SERPINB10: variants seen among roughly 807,000 people sequenced by gnomAD.
SERPINB10 encodes serpin family B member 10.
In SERPINB10, 35 loss-of-function variants were observed where a neutral mutation model predicts 39.1. The ratio of observed to expected loss-of-function variants is 0.90; its 90% CI spans 0.68 to 1.19. SERPINB10 has a LOEUF of 1.19. Ranked by LOEUF, SERPINB10 falls within the 50% of genes most tolerant of loss-of-function variation. The probability of loss-of-function intolerance (pLI) is 0.00; values close to 1 mark genes in which losing one functional copy is unlikely to be tolerated. For synonymous variants in SERPINB10, 190 were observed against 158.1 expected (o/e 1.20, Z -1.52); for missense variants, 546 against 460.5 (o/e 1.19, Z -1.70).
At chr18:63,931,913 T>A (rs80199626) in intron 6 of SERPINB10, among the ~76,000 whole-genome samples, 2,186 of 152,292 alleles carry the variant, frequency 0.014, 55 homozygotes, top group African/African-American at 0.05. Flanking sequence ...GCTTCACCTG[T>A]TCATCCATTC....
intron 1 of SERPINB10, among the ~76,000 whole-genome samples, chr18:63,913,165 T>A (rs2050077062): frequency 6.6e-6 from 1 of 151,990 alleles, no homozygotes; most frequent in South Asian, 2.1e-4. Flanking sequence ...ATATCTCCTC[T>A]TTTTTTCTTT....
chr18:63,933,952 A>C (rs1447385734), intron 7 of SERPINB10, among the ~76,000 whole-genome samples: 1 of 152,190 alleles, frequency 6.6e-6, no homozygotes, highest in African/African-American at 2.4e-5. Context: ...TTTCCAAATT[A>C]TGTCATAAAA....
intron 5 of SERPINB10, among the ~76,000 whole-genome samples, chr18:63,920,992 C>T (rs2050142877): frequency 6.6e-6 from 1 of 151,960 alleles, no homozygotes; most frequent in Non-Finnish European, 1.5e-5. Context: ...TATGATTACA[C>T]AGTTTAAAGC....
intron 6 of SERPINB10, 121 bp downstream of exon 6, chr18:63,930,308 T>C (rs1357186169): frequency 9.1e-7 from 1 of 1,099,502 alleles, no homozygotes; most frequent in East Asian, 2.4e-5. Context: ...ACCAGGGAAG[T>C]GATGGCTGGG....
At chr18:63,910,423 C>A (rs1299675728) in intron 1 of SERPINB10, among the ~76,000 whole-genome samples, 1 of 151,726 alleles carries the variant, frequency 6.6e-6, no homozygotes, top group Non-Finnish European at 1.5e-5. Context: ...AGCATAGTAC[C>A]CAATAGTTAG....
intron 6 of SERPINB10, 55 bp downstream of exon 6, chr18:63,930,242 T>C: frequency 6.4e-7 from 1 of 1,560,732 alleles, no homozygotes; most frequent in Middle Eastern, 1.7e-4. Context: ...TACAAGTGAT[T>C]CTCTTATAAA....
At position 63,919,857 on chromosome 18, in the gene SERPINB10, G is replaced by C. The variant is rs1473488387; in HGVS notation, c.442G>C (p.Asp148His). Residue 148 changes from aspartate to histidine, a missense_variant, in exon 5 of 8, where the codon GAT becomes CAT. Coordinates refer to ENST00000238508, the MANE Select transcript of SERPINB10 (RefSeq NM_005024.3). ...GCCTGTTAACTTTGTGGAAGCTTCT[G>C]ATCAAATCAGAAAGGACATCAACTC... is the stretch of plus-strand genomic sequence containing the variant. ...PQPVNFVEAS[D>H]QIRKDINSWV... The C allele has an allele frequency of 3.1e-6, 5 of 1,610,700 alleles. No homozygotes were observed. In the South Asian group the frequency reaches 5.5e-5, roughly 18 times the overall value.
At chr18:63,931,432 G>C (rs2050221032) in intron 6 of SERPINB10, among the ~76,000 whole-genome samples, 1 of 152,168 alleles carries the variant, frequency 6.6e-6, no homozygotes, top group South Asian at 2.1e-4. Flanking sequence ...GTATGCTAGA[G>C]TACTCGCAGT....
rs1041738567 is a variant in SERPINB10, at chr18:63,933,105, A to T, written c.691A>T (p.Ile231Leu). The T allele has an allele frequency of 1.2e-6, 2 of 1,614,062 alleles. No individual in the cohort carries two copies. Among genetic ancestry groups the T allele is most frequent in the Non-Finnish European group, 1.7e-6 (2 of 1,179,942 alleles). The change falls in exon 7 of 8, where the codon ATA becomes TTA. Residue 231 changes from isoleucine to leucine, a missense_variant. Transcript: ENST00000238508. ...GAAGAAAAAGCTTCACATTTTTCAC[A>T]TAGAAAAGCCAAAAGCAGTGGGCCT... ...FMKKKLHIFHIEKPKAVGLQL... is the reference protein window; with the variant it reads ...FMKKKLHIFHLEKPKAVGLQL...
At chr18:63,920,929 T>C (rs896436729) in intron 5 of SERPINB10, among the ~76,000 whole-genome samples, 11 of 152,060 alleles carry the variant, frequency 7.2e-5, no homozygotes, top group African/African-American at 2.7e-4. Flanking sequence ...AACAGTCTTT[T>C]ATTGTTATCC....
chr18:63,928,715 T>C (rs1414585481), intron 5 of SERPINB10, among the ~76,000 whole-genome samples: 1 of 152,030 alleles, frequency 6.6e-6, no homozygotes, highest in African/African-American at 2.4e-5. Context: ...TCCTCTTTTA[T>C]TTCCTTGAGC....
Position 63,930,159 on chromosome 18 carries a change from C to T in SERPINB10, c.605C>T (p.Thr202Ile). 6.2e-7 allele frequency: 1 copy of T among 1,613,272 alleles called. No homozygotes were observed. The highest frequency in any genetic ancestry group is 8.5e-7 in the Non-Finnish European group (1 of 1,179,524). The change falls in exon 6 of 8, where the codon ACC (threonine) becomes ATC (isoleucine). Residue 202 changes from threonine (T) to isoleucine (I), a missense_variant. Thr to Ile is a moderately conservative substitution (Grantham distance 89). Transcript: ENST00000238508. Reference sequence around the variant, plus strand: ...GAACATCAATTCTTAGTGCAAAACACCACAGAAAAGCCTTTTAGAATAAAC... The same window carrying T: ...GAACATCAATTCTTAGTGCAAAACATCACAGAAAAGCCTTTTAGAATAAAC... ...IWEHQFLVQN[T>I]TEKPFRINET...
At chr18:63,916,535 C>T (rs753681485) in intron 2 of SERPINB10, among the ~76,000 whole-genome samples, 17 of 151,994 alleles carry the variant, frequency 1.1e-4, no homozygotes, top group Non-Finnish European at 2.4e-4. Context: ...AACATCCTTA[C>T]TCTTGTAGTT....
chr18:63,925,325 C>T (rs2050173641), intron 5 of SERPINB10, among the ~76,000 whole-genome samples: 1 of 151,874 alleles, frequency 6.6e-6, no homozygotes, highest in Admixed American at 6.6e-5. Flanking sequence ...AATGACATCC[C>T]AATAGTAATC....
rs754122451 is a variant in SERPINB10 at position 63,933,134 on chromosome 18, A to T, written c.720A>T (p.Gln240His). The change falls in exon 7 of 8, where the codon CAA becomes CAT. Residue 240 changes from glutamine (Q) to histidine (H), a missense_variant. Coordinates refer to ENST00000238508, the MANE Select transcript of SERPINB10 (RefSeq NM_005024.3). The stretch of plus-strand genomic sequence containing the variant: ...AAAAGCCAAAAGCAGTGGGCCTTCA[A>T]CTCTACTACAAAAGCCGTGACCTCA... ...HIEKPKAVGL[Q>H]LYYKSRDLSL... The T allele has an allele frequency of 6.2e-7, 1 of 1,613,878 alleles. No individual in the cohort carries two copies. Among genetic ancestry groups the T allele is most frequent in the African/African-American group, 1.3e-5 (1 of 74,890 alleles).
intron 3 of SERPINB10, 113 bp from the exon 4 acceptor site, chr18:63,917,852 C>T: frequency 1.1e-6 from 1 of 935,720 alleles, no homozygotes; most frequent in Non-Finnish European, 1.6e-6. Flanking sequence ...ACTTTAGGAA[C>T]ATTTTCAACT....
chr18:63,932,987 T>C (rs1485382006), intron 6 of SERPINB10, 61 bp from the exon 7 acceptor site: 1 of 1,477,720 alleles, frequency 6.8e-7, no homozygotes, highest in Non-Finnish European at 9.3e-7. Flanking sequence ...AATTAAGGAG[T>C]TGGTGGAATA....
intron 1 of SERPINB10, among the ~76,000 whole-genome samples, chr18:63,913,370 T>C (rs1003506605): frequency 6.6e-6 from 1 of 152,058 alleles, no homozygotes; most frequent in African/African-American, 2.4e-5. Flanking sequence ...TGATGTTCGA[T>C]AGTTAATATG....
chr18:63,917,565 G>C, intron 3 of SERPINB10, 44 bp downstream of exon 3: 1 of 1,156,324 alleles, frequency 8.6e-7, no homozygotes, highest in Admixed American at 2.9e-5. Flanking sequence ...TAAGGAAAAA[G>C]TACTTTTAGC....
Sources: allele counts gnomAD v4.1 joint callset (sites outside exome capture counted in the v4.1 genomes callset), GRCh38; gene constraint gnomAD v4.1.1; transcripts MANE v1.5; gene names NCBI Gene and HGNC (gene_info 2026-07-23, HGNC 2026-07-21).